The following RSF1 variants were observed in gnomAD, a reference collection of about 807,000 sequenced individuals.
RSF1 encodes HBV pX-associated protein 8.
RSF1 carries 13 observed loss-of-function variants against 145.2 expected under a neutral mutation model. The ratio of observed to expected loss-of-function variants is 0.09; its 90% CI spans 0.06 to 0.14. The LOEUF is 0.14. Among genes scored for constraint, RSF1 ranks in the 10% least tolerant of loss-of-function variants. The pLI is 1.00. For missense variants in RSF1, 1,517 were observed against 1,718.2 expected, an observed-to-expected ratio of 0.88 and a Z score of 2.07; for synonymous variants, 577 against 592.6, an observed-to-expected ratio of 0.97 and a Z score of 0.38.
chr11:77,734,079 T>C (rs748374318), intron 4 of RSF1, among the ~76,000 whole-genome samples: 5 of 152,220 alleles, frequency 3.3e-5, no homozygotes, highest in African/African-American at 7.2e-5. Flanking sequence ...ATTTTTGCTA[T>C]TGAAACCTGT....
rs553509919 is a variant in RSF1 at position 77,782,431 on chromosome 11, CT to C, written c.188-17743del. Among the ~76,000 whole-genome samples the C allele has an allele frequency of 2.8e-3, 419 of 152,168 alleles. 1 individual carries two copies. Among genetic ancestry groups the C allele is most frequent in the African/African-American group, 9.1e-3 (378 of 41,496 alleles). ...TGGCGCGCACCTGTAGTCCCAGCTA[CT>C]CAGGAGGCTAAGGCAGGAGAATCGC... is the stretch of plus-strand genomic sequence containing the variant. On this transcript the variant is annotated intron_variant, in intron 1 of 15. Transcript: ENST00000308488.
chr11:77,763,010 G>A (rs946325826), intron 2 of RSF1: 87 of 152,078 alleles, frequency 5.7e-4, no homozygotes, highest in African/African-American at 2.0e-3. Context: ...AATTGTCTCA[G>A]TGATTAATTG....
chr11:77,785,931 A>AC, intron 1 of RSF1, among the ~76,000 whole-genome samples: 1 of 114,784 alleles, frequency 8.7e-6, no homozygotes, highest in Admixed American at 9.7e-5. Flanking sequence ...GTCTCAAAAA[A>AC]AAAAAAAAAA....
At chr11:77,674,925 G>A (rs1419362249) in intron 14 of RSF1, 111 bp downstream of exon 14, 5 of 793,888 alleles carry the variant, frequency 6.3e-6, no homozygotes, top group East Asian at 5.4e-5. Context: ...CTTGAACCCG[G>A]GACACAGAGG....
At position 77,663,383 on chromosome 11, in the gene RSF1, T is replaced by C. The variant is rs1044368770; in HGVS notation, c.*3534A>G. The C allele has an allele frequency of 7.9e-5, 12 of 152,182 alleles. No homozygotes were observed. Among genetic ancestry groups the C allele is most frequent in the African/African-American group, 2.9e-4 (12 of 41,448 alleles). 9.4% of individuals were successfully genotyped at this position (152,182 alleles called of 1,614,324 possible). On this transcript the variant is annotated 3_prime_UTR_variant, in exon 16 of 16. Coordinates refer to ENST00000308488, the MANE Select transcript of RSF1 (RefSeq NM_016578.4). ...ATGTGTACTTTGCTCAAATGTATAT[T>C]ATAGGATGGGTTTCATCAACTAAAA...
intron 1 of RSF1, among the ~76,000 whole-genome samples, chr11:77,774,695 G>A (rs1948323561): frequency 6.6e-6 from 1 of 151,476 alleles, no homozygotes; most frequent in Admixed American, 6.6e-5. Flanking sequence ...GGAAGGCAGA[G>A]GCAGGCAGAT....
At position 77,666,346 on chromosome 11, in the gene RSF1, A is replaced by G. The variant is rs1253310961; in HGVS notation, c.*571T>C. Reference sequence around the variant, plus strand: ...TTTATTAAGTGTGGTTATCTCCAATAGTAAACAAGTTCATTTCACAAAGGC... The same window carrying G: ...TTTATTAAGTGTGGTTATCTCCAATGGTAAACAAGTTCATTTCACAAAGGC... On this transcript the variant is annotated 3_prime_UTR_variant, in exon 16 of 16. Coordinates refer to ENST00000308488, the MANE Select transcript of RSF1 (RefSeq NM_016578.4). 1 of 152,658 alleles carries G rather than the reference A, an allele frequency of 6.6e-6. No homozygotes were observed. The highest frequency in any genetic ancestry group is 1.5e-5 in the Non-Finnish European group (1 of 68,036). 9.5% of individuals were successfully genotyped at this position (152,658 alleles called of 1,614,324 possible).
intron 3 of RSF1, among the ~76,000 whole-genome samples, chr11:77,742,750 C>T (rs1417216901): frequency 7.2e-5 from 11 of 152,124 alleles, no homozygotes; most frequent in African/African-American, 2.2e-4. Flanking sequence ...TGGCCATTTC[C>T]TACGTCTTTT....
intron 5 of RSF1, among the ~76,000 whole-genome samples, chr11:77,707,469 T>C (rs991942049): frequency 6.6e-6 from 1 of 152,178 alleles, no homozygotes; most frequent in Non-Finnish European, 1.5e-5. Flanking sequence ...GATTAATAAA[T>C]GCATTTACTT....
intron 2 of RSF1, among the ~76,000 whole-genome samples, chr11:77,757,044 C>A (rs1590869929): frequency 6.6e-6 from 1 of 152,120 alleles, no homozygotes; most frequent in Non-Finnish European, 1.5e-5. Context: ...GAAGGGAAAC[C>A]AAGGAAACTT....
At chr11:77,679,600 G>C (rs754215386) in intron 11 of RSF1, among the ~76,000 whole-genome samples, 2 of 151,450 alleles carry the variant, frequency 1.3e-5, no homozygotes, top group Non-Finnish European at 1.5e-5. Context: ...TTGAGCCCAA[G>C]AGGCAGAGGA....
chr11:77,852,693 C>G, the RSF1 span, among the ~76,000 whole-genome samples: 1 of 152,008 alleles, frequency 6.6e-6, no homozygotes, highest in African/African-American at 2.4e-5. Flanking sequence ...TATTAGTTTC[C>G]GGTTTATCCT....
At chr11:77,704,291 G>A (rs1460399012) in intron 5 of RSF1, among the ~76,000 whole-genome samples, 2 of 152,134 alleles carry the variant, frequency 1.3e-5, no homozygotes, top group Admixed American at 6.5e-5. Context: ...CAGCCTGGGT[G>A]ACAGAGTGAG....
intron 4 of RSF1, chr11:77,734,836 C>T (rs1235268723): frequency 6.3e-7 from 1 of 1,592,260 alleles, no homozygotes; most frequent in African/African-American, 1.3e-5. Context: ...AGCATGCTCC[C>T]TCTCCTCATG....
Position 77,661,310 on chromosome 11 carries a change from C to T in RSF1, c.*5607G>A, listed in dbSNP as rs1460571038. 4 of 152,114 alleles carry T rather than the reference C, an allele frequency of 2.6e-5. No homozygotes were observed. Among genetic ancestry groups the T allele is most frequent in the Admixed American group, 6.6e-5 (1 of 15,248 alleles). The allele number at this position is 152,114 out of a possible 1,614,324, so 9.4% of individuals were successfully genotyped here. On this transcript the variant is annotated 3_prime_UTR_variant, in exon 16 of 16. Coordinates refer to ENST00000308488, the MANE Select transcript of RSF1 (RefSeq NM_016578.4). ...CTTTGAAAGAGAATAGAACACCAGA[C>T]TAACATTGAGAATACCCTAGTTAGG...
intron 7 of RSF1, among the ~76,000 whole-genome samples, chr11:77,695,049 A>G (rs530746179): frequency 6.6e-6 from 1 of 152,298 alleles, no homozygotes; most frequent in East Asian, 1.9e-4. Flanking sequence ...TCACTTGGTT[A>G]AAGTACATCT....
intron 5 of RSF1, among the ~76,000 whole-genome samples, chr11:77,719,157 C>A (rs1036197237): frequency 2.0e-5 from 3 of 152,002 alleles, no homozygotes; most frequent in African/African-American, 7.3e-5. Flanking sequence ...TCCCTTGAGC[C>A]CAGGAAATGG....
In RSF1 at chr11:77,660,526, C is replaced by T. The variant is rs1167869163; in HGVS notation, c.*6391G>A. ...AGTTAGTTTTATGCCAATCTTGGAG[C>T]TTCTGCTTTAAATCTCATCTCCTAG... On this transcript the variant is annotated 3_prime_UTR_variant, in exon 16 of 16. Transcript: ENST00000308488. 1 of 151,734 alleles carries T rather than the reference C, an allele frequency of 6.6e-6. No individual in the cohort carries two copies. The highest frequency in any genetic ancestry group is 2.4e-5 in the African/African-American group (1 of 41,296). 9.4% of individuals were successfully genotyped at this position (151,734 alleles called of 1,614,324 possible).
intron 5 of RSF1, chr11:77,702,763 A>G (rs1960457160): frequency 3.8e-6 from 1 of 264,690 alleles, no homozygotes. Context: ...TGGATTGCAA[A>G]TATTTATGCA....
Sources: gnomAD v4.1 joint callset for allele counts (sites outside exome capture counted in the v4.1 genomes callset) on GRCh38, gnomAD v4.1.1 for gene constraint, MANE v1.5 for transcripts, NCBI Gene and HGNC (gene_info 2026-07-23, HGNC 2026-07-21) for gene names.